The following FGF14 variants were observed in gnomAD, a reference collection of about 807,000 sequenced individuals.
FGF14 encodes the protein fibroblast growth factor homologous factor 4.
Under a neutral mutation model 25.5 loss-of-function variants are expected in FGF14, and 5 were observed. The observed-to-expected ratio is 0.20, with a 90% CI of 0.10 to 0.41. FGF14 has a LOEUF of 0.41. FGF14 is among the 10% of genes least tolerant of loss of function. The pLI, the probability that FGF14 is intolerant of heterozygous loss-of-function variation, is 1.00. For missense variants in FGF14, 222 were observed against 320.1 expected (o/e 0.69, Z 2.34); for synonymous variants, 138 against 118.3 (o/e 1.17, Z -1.08).
chr13:101,713,247 GACC>G lies in FGF14; in HGVS notation c.*9581_*9583del. 6.6e-6 allele frequency: 1 copy of G among 152,274 alleles called. No individual in the cohort carries two copies. Among genetic ancestry groups the G allele is most frequent in the South Asian group, 2.1e-4 (1 of 4,820 alleles). The allele number at this position is 152,274 out of a possible 1,614,324, so 9.4% of individuals were successfully genotyped here. A position where few individuals can be genotyped will look rare whatever the true frequency, so the allele number is the denominator to read the frequency against. On this transcript the variant is annotated 3_prime_UTR_variant, in exon 5 of 5. Transcript: ENST00000376143. ...TGAATCCTTTCATGATATCTGTGAT[GACC>G]ACAACTCCTTTTTCCTGATCACTTT...
chr13:102,008,848 G>T (rs1261729097), intron 1 of FGF14, among the ~76,000 whole-genome samples: 1 of 152,090 alleles, frequency 6.6e-6, no homozygotes, highest in African/African-American at 2.4e-5. Flanking sequence ...TAATTTTTGG[G>T]TGGGAAAGAT....
intron 1 of FGF14, among the ~76,000 whole-genome samples, chr13:102,106,208 G>T (rs181565746): frequency 9.9e-5 from 15 of 152,184 alleles, no homozygotes; most frequent in Non-Finnish European, 5.9e-5. Flanking sequence ...TGCTACTAAG[G>T]TATCCACACT....
At chr13:102,292,618 T>A (rs975731633) in intron 1 of FGF14, 6 of 152,162 alleles carry the variant, frequency 3.9e-5, no homozygotes, top group African/African-American at 9.7e-5. Context: ...AAGTCGAAAG[T>A]CAGCAAAACG....
chr13:101,746,920 C>A (rs996095582), intron 3 of FGF14, among the ~76,000 whole-genome samples: 1 of 151,972 alleles, frequency 6.6e-6, no homozygotes, highest in Admixed American at 6.6e-5. Context: ...CAGCAAGAAA[C>A]AGCATTCTAC....
chr13:102,327,471 T>C (rs1320487870), intron 1 of FGF14, among the ~76,000 whole-genome samples: 2 of 152,164 alleles, frequency 1.3e-5, no homozygotes, highest in Non-Finnish European at 2.9e-5. Flanking sequence ...TTCAAATAAA[T>C]AGATTTGGCC....
chr13:102,333,882 G>C (rs767073844), intron 1 of FGF14, among the ~76,000 whole-genome samples: 1 of 152,178 alleles, frequency 6.6e-6, no homozygotes, highest in Non-Finnish European at 1.5e-5. Flanking sequence ...TTTGACGACT[G>C]AAGGGTGCAT....
At chr13:101,742,260 C>T (rs765612144) in intron 3 of FGF14, among the ~76,000 whole-genome samples, 3 of 152,106 alleles carry the variant, frequency 2.0e-5, no homozygotes, top group Non-Finnish European at 4.4e-5. Context: ...TGCATCAAAC[C>T]ACCATGGCAC....
intron 1 of FGF14, among the ~76,000 whole-genome samples, chr13:102,134,393 TAATC>T (rs1249885383): frequency 3.9e-5 from 6 of 152,240 alleles, no homozygotes; most frequent in Non-Finnish European, 7.3e-5. Flanking sequence ...CACCTTGAGA[TAATC>T]AATTGTCCTG....
intron 1 of FGF14, among the ~76,000 whole-genome samples, chr13:102,054,215 T>A (rs1200055258): frequency 1.3e-5 from 2 of 152,196 alleles, no homozygotes. Flanking sequence ...TGAGAAATAA[T>A]AGTTAACTAT....
rs28401476 is a variant in FGF14, at chr13:101,759,847, G to A, written c.409-33037C>T. ...TTGTTATCTAGCCCTTTTCTGCAGA[G>A]GTAGAAATGGAATTTAGATAAATGA... is the stretch of plus-strand genomic sequence containing the variant. On this transcript the variant is annotated intron_variant, in intron 3 of 4. Coordinates refer to ENST00000376143, the MANE Select transcript of FGF14 (RefSeq NM_004115.4). Among the ~76,000 whole-genome samples the A allele has an allele frequency of 6.0e-3, 908 of 152,224 alleles. 10 individuals are homozygous for A. The highest frequency in any genetic ancestry group is 0.021 in the African/African-American group (871 of 41,530).
intron 1 of FGF14, among the ~76,000 whole-genome samples, chr13:101,893,893 G>A (rs1176430083): frequency 6.6e-6 from 1 of 152,082 alleles, no homozygotes; most frequent in Non-Finnish European, 1.5e-5. Flanking sequence ...CAATACACCT[G>A]ACAAGATTCT....
chr13:102,312,222 C>CAAAAAAAA (rs34575465), intron 1 of FGF14, among the ~76,000 whole-genome samples: 2 of 96,962 alleles, frequency 2.1e-5, no homozygotes, highest in African/African-American at 3.5e-5. Flanking sequence ...AGACCTAAAC[C>CAAAAAAAA]AAAAAAAAAA....
chr13:102,364,820 C>A (rs187445895), intron 1 of FGF14, among the ~76,000 whole-genome samples: 1 of 152,104 alleles, frequency 6.6e-6, no homozygotes, highest in Non-Finnish European at 1.5e-5. Flanking sequence ...CACAACACAG[C>A]GCAAAAACAA....
chr13:102,394,262 C>G (rs1024756492), intron 1 of FGF14: 1 of 152,428 alleles, frequency 6.6e-6, no homozygotes, highest in African/African-American at 2.4e-5. Flanking sequence ...GAGGCCAGAC[C>G]GGGAGGGCCA....
At chr13:102,181,744 A>G (rs1202465258) in intron 1 of FGF14, among the ~76,000 whole-genome samples, 1 of 152,184 alleles carries the variant, frequency 6.6e-6, no homozygotes, top group African/African-American at 2.4e-5. Flanking sequence ...GCTAGGTTGT[A>G]CATATTACGC....
At chr13:102,349,430 GAATAT>G (rs1427392106) in intron 1 of FGF14, among the ~76,000 whole-genome samples, 4 of 152,154 alleles carry the variant, frequency 2.6e-5, no homozygotes, top group Admixed American at 1.3e-4. Context: ...TGTCAATGAT[GAATAT>G]AATATTCATT....
chr13:102,251,677 C>G (rs16959997), intron 1 of FGF14, among the ~76,000 whole-genome samples: 1 of 152,112 alleles, frequency 6.6e-6, no homozygotes, highest in Non-Finnish European at 1.5e-5. Flanking sequence ...AGAGGAGACA[C>G]CTTTTCCAAA....
At chr13:101,782,012 T>G (rs939694347) in intron 3 of FGF14, among the ~76,000 whole-genome samples, 22 of 152,194 alleles carry the variant, frequency 1.4e-4, no homozygotes, top group Non-Finnish European at 1.5e-5. Context: ...TCTATGGAGA[T>G]CTCATTCTTT....
chr13:102,021,093 G>A (rs1453674591), intron 1 of FGF14, among the ~76,000 whole-genome samples: 1 of 151,906 alleles, frequency 6.6e-6, no homozygotes, highest in Non-Finnish European at 1.5e-5. Flanking sequence ...TTAAGTGGAG[G>A]GAAGAAAAAC....
Sources: allele counts gnomAD v4.1 joint callset (sites outside exome capture counted in the v4.1 genomes callset), GRCh38; gene constraint gnomAD v4.1.1; transcripts MANE v1.5; gene names NCBI Gene and HGNC (gene_info 2026-07-23, HGNC 2026-07-21).